Variants in ZNF519 observed in about 807,000 individuals in gnomAD.
The protein encoded by ZNF519 is zinc finger protein 519, also known as similar to Zinc finger protein 85 (Zinc finger protein HPF4) (HTF1).
In ZNF519, 7 loss-of-function variants were observed where a neutral mutation model predicts 7.4. The ratio of observed to expected loss-of-function variants is 0.94; its 90% CI spans 0.54 to 1.77. The LOEUF (loss-of-function observed/expected upper bound fraction) is 1.77, where lower values mean the gene tolerates loss of function less well. Ranked by LOEUF, ZNF519 falls within the 40% of genes most tolerant of loss-of-function variation. The pLI is 0.00. For synonymous variants in ZNF519, 179 were observed against 203.3 expected, an observed-to-expected ratio of 0.88 and a Z score of 1.02; for missense variants, 586 against 623.1, an observed-to-expected ratio of 0.94 and a Z score of 0.63.
chr18:14,113,264 A>C (rs530673109), intron 2 of ZNF519, among the ~76,000 whole-genome samples: 43 of 152,316 alleles, frequency 2.8e-4, no homozygotes, highest in African/African-American at 9.9e-4. Flanking sequence ...TCTGCCTCCC[A>C]TTCTATTCAG....
chr18:14,126,547 A>G (rs1246348436), intron 1 of ZNF519, among the ~76,000 whole-genome samples: 1 of 152,216 alleles, frequency 6.6e-6, no homozygotes, highest in Non-Finnish European at 1.5e-5. Context: ...TTAACACACG[A>G]TGCTGAATTC....
intron 2 of ZNF519, among the ~76,000 whole-genome samples, chr18:14,109,128 A>AT: frequency 1.3e-5 from 2 of 151,506 alleles, no homozygotes; most frequent in African/African-American, 2.4e-5. Context: ...AAAAAAAAAA[A>AT]AAAAAAATAA....
intron 2 of ZNF519, among the ~76,000 whole-genome samples, chr18:14,086,927 C>A (rs1046271962): frequency 8.1e-5 from 1 of 12,332 alleles, no homozygotes; most frequent in African/African-American, 2.0e-4. Context: ...CAGACAAGGA[C>A]ATAACAACAA....
At chr18:14,095,817 G>A (rs1216969073), downstream of ZNF519, among the ~76,000 whole-genome samples, 3 of 152,308 alleles carry the variant, frequency 2.0e-5, no homozygotes, top group African/African-American at 4.8e-5. Context: ...CCCAGGACTG[G>A]GGGAGAAAAG....
chr18:14,132,300 G>A lies in ZNF519; in HGVS notation c.-23C>T, dbSNP rs751322403. Reference sequence around the variant, plus strand: ...CATTTCTCGGCTTCAGGGGTGTCCTGGAGTCTTAGCTATAAATCATTCAAT... The same window carrying A: ...CATTTCTCGGCTTCAGGGGTGTCCTAGAGTCTTAGCTATAAATCATTCAAT... On this transcript the variant is annotated 5_prime_UTR_variant, in exon 1 of 3. Coordinates refer to ENST00000590202, the MANE Select transcript of ZNF519 (RefSeq NM_145287.4). The A allele has an allele frequency of 4.3e-6, 7 of 1,613,734 alleles. No homozygotes were observed. The highest frequency in any genetic ancestry group is 8.5e-7 in the Non-Finnish European group (1 of 1,179,738).
In ZNF519 at chr18:14,106,106, T is replaced by C. The variant is rs1308493048; in HGVS notation, c.434A>G (p.Tyr145Cys). ...GACAGATTTCAAAAATTTATGTTGA[T>C]ATTTATTCATAGGAATACATGGTTC... is the stretch of plus-strand genomic sequence containing the variant. ...PTEPCIPMNK[Y>C]QHKFLKSVFC... Residue 145 changes from tyrosine to cysteine, a missense_variant, in exon 3 of 3, where the codon TAT becomes TGT. Coordinates refer to ENST00000590202, the MANE Select transcript of ZNF519 (RefSeq NM_145287.4). 1.2e-6 allele frequency: 2 copies of C among 1,607,578 alleles called. No individual in the cohort carries two copies. The highest frequency in any genetic ancestry group is 2.2e-5 in the East Asian group (1 of 44,800).
rs936923101 is a variant in ZNF519, at chr18:14,103,783, T to C, written c.*1134A>G. 2 of 152,122 alleles carry C rather than the reference T, an allele frequency of 1.3e-5. No homozygotes were observed. Among genetic ancestry groups the C allele is most frequent in the African/African-American group, 4.8e-5 (2 of 41,422 alleles). 9.4% of individuals were successfully genotyped at this position (152,122 alleles called of 1,614,324 possible). On this transcript the variant is annotated 3_prime_UTR_variant, in exon 3 of 3. Transcript: ENST00000590202. ...CATACCCGATAGTATATCATTACCA[T>C]TTACTACCTGGAATCTTGAGCAAGG...
chr18:14,113,894 CAT>C (rs1348596178), intron 2 of ZNF519, among the ~76,000 whole-genome samples: 1 of 152,148 alleles, frequency 6.6e-6, no homozygotes, highest in South Asian at 2.1e-4. Context: ...CTGATGACCA[CAT>C]GTTGAGCACC....
At chr18:14,109,148 T>A (rs2046209464) in intron 2 of ZNF519, among the ~76,000 whole-genome samples, 1 of 151,636 alleles carries the variant, frequency 6.6e-6, no homozygotes. Flanking sequence ...ATAATGAGGT[T>A]AATTCATCAA....
chr18:14,099,365 C>T (rs2046150233), downstream of ZNF519, among the ~76,000 whole-genome samples: 3 of 152,080 alleles, frequency 2.0e-5, no homozygotes, highest in African/African-American at 7.2e-5. Context: ...GTGAGGAAAG[C>T]ATTATAACTC....
intron 2 of ZNF519, among the ~76,000 whole-genome samples, chr18:14,086,914 A>G (rs575422612): frequency 1.5e-4 from 18 of 122,752 alleles, no homozygotes; most frequent in African/African-American, 5.0e-4. Context: ...AAAGATATCA[A>G]ATCAGACAAG....
chr18:14,100,297 C>T lies in ZNF519; in HGVS notation c.*4620G>A, dbSNP rs2046154474. ...TTAAACTTGTAACTACCCTATGAGC[C>T]AGGAATTGTATGCTGGAAATATTTT... On this transcript the variant is annotated 3_prime_UTR_variant, in exon 3 of 3. Coordinates refer to ENST00000590202, the MANE Select transcript of ZNF519 (RefSeq NM_145287.4). 1 of 152,086 alleles carries T rather than the reference C, an allele frequency of 6.6e-6. No individual in the cohort carries two copies. Among genetic ancestry groups the T allele is most frequent in the Admixed American group, 6.6e-5 (1 of 15,266 alleles). The allele number at this position is 152,086 out of a possible 1,614,324, so 9.4% of individuals were successfully genotyped here.
chr18:14,112,710 G>A (rs1027814653), intron 2 of ZNF519, among the ~76,000 whole-genome samples: 15 of 151,744 alleles, frequency 9.9e-5, no homozygotes, highest in African/African-American at 3.4e-4. Flanking sequence ...AAATACCTAG[G>A]AATTAACCAA....
chr18:14,085,809 G>C (rs1354652284), intron 2 of ZNF519, among the ~76,000 whole-genome samples: 1 of 152,160 alleles, frequency 6.6e-6, no homozygotes, highest in African/African-American at 2.4e-5. Flanking sequence ...CAAAACCCAT[G>C]GACAAAGTCT....
chr18:14,106,062 T>A lies in ZNF519; in HGVS notation c.478A>T (p.Ile160Leu), dbSNP rs989145715. 3.8e-6 allele frequency: 6 copies of A among 1,596,064 alleles called. No individual in the cohort carries two copies. The African/African-American group carries it at 8.1e-5, about 22-fold the overall frequency. ...LKSVFCNKNQ[I>L]NFNHDSNISK... ...ATATTTGAGTCATGGTTAAAATTTATCTGATTTTTATTACAAAAGACAGAT... is the reference window on the plus strand; with the variant it reads ...ATATTTGAGTCATGGTTAAAATTTAACTGATTTTTATTACAAAAGACAGAT... The change falls in exon 3 of 3, where the codon ATA (isoleucine) becomes TTA (leucine). Residue 160 changes from isoleucine (I) to leucine (L), a missense_variant. Transcript: ENST00000590202.
Position 14,105,452 on chromosome 18 carries a change from A to T in ZNF519, c.1088T>A (p.Leu363His). Reference sequence around the variant, plus strand: ...GGTATGGATTCTCTGGTGTTGAGTAAGGTATGACCCCCTGTTAAAGGCTTT... The same window carrying T: ...GGTATGGATTCTCTGGTGTTGAGTATGGTATGACCCCCTGTTAAAGGCTTT... ...CGKAFNRGSYLTQHQRIHTGE... is the reference protein window; with the variant it reads ...CGKAFNRGSYHTQHQRIHTGE... The change falls in exon 3 of 3, where the codon CTT becomes CAT. Residue 363 changes from leucine (L) to histidine (H), a missense_variant. Leu to His is a moderately conservative substitution (Grantham distance 99). Coordinates refer to ENST00000590202, the MANE Select transcript of ZNF519 (RefSeq NM_145287.4). The T allele has an allele frequency of 6.2e-7, 1 of 1,613,686 alleles. No homozygotes were observed. Among genetic ancestry groups the T allele is most frequent in the Non-Finnish European group, 8.5e-7 (1 of 1,179,888 alleles).
chr18:14,094,606 CTTGCA>C (rs2046127501), intron 2 of ZNF519, among the ~76,000 whole-genome samples: 1 of 152,144 alleles, frequency 6.6e-6, no homozygotes, highest in African/African-American at 2.4e-5. Context: ...GTAAAGCATC[CTTGCA>C]TTGCTGGCAT....
At chr18:14,098,417 C>G (rs1157895531), downstream of ZNF519, among the ~76,000 whole-genome samples, 1 of 152,108 alleles carries the variant, frequency 6.6e-6, no homozygotes, top group Non-Finnish European at 1.5e-5. Flanking sequence ...GCCTTGGCCT[C>G]CCAAAGTGCT....
At chr18:14,129,279 T>C (rs116467349) in intron 1 of ZNF519, among the ~76,000 whole-genome samples, 5,431 of 152,280 alleles carry the variant, frequency 0.036, 311 homozygotes, top group African/African-American at 0.12. Flanking sequence ...GTGTATGTTC[T>C]TGGCAGAAAA....
Sources: allele counts gnomAD v4.1 joint callset (sites outside exome capture counted in the v4.1 genomes callset), GRCh38; gene constraint gnomAD v4.1.1; transcripts MANE v1.5; gene names NCBI Gene and HGNC (gene_info 2026-07-23, HGNC 2026-07-21).